Variants in GABRG3 observed in about 807,000 individuals in gnomAD.
GABRG3 encodes the protein gamma-aminobutyric acid type A receptor subunit gamma3.
In GABRG3, 25 loss-of-function variants were observed where a neutral mutation model predicts 48.8. The observed-to-expected ratio is 0.51, with a 90% CI of 0.37 to 0.72. The LOEUF (loss-of-function observed/expected upper bound fraction) is 0.72. Ranked by LOEUF, GABRG3 falls within the 30% of genes least tolerant of loss-of-function variation. The probability of loss-of-function intolerance (pLI) is 0.00; values close to 1 mark genes in which losing one functional copy is unlikely to be tolerated. For missense variants in GABRG3, 394 were observed against 577.9 expected (o/e 0.68, Z 3.26); for synonymous variants, 227 against 217.6 (o/e 1.04, Z -0.38).
In GABRG3 at chr15:27,102,935, C is replaced by T. The variant is rs188996969; in HGVS notation, c.270+76114C>T. On this transcript the variant is annotated intron_variant, in intron 3 of 9. Coordinates refer to ENST00000615808, the MANE Select transcript of GABRG3 (RefSeq NM_033223.5). ...TTCCAGGAAGAACAAATAAAACTGC[C>T]ATTGATAAAAATGATGTAGCTCTAT... Among the ~76,000 whole-genome samples, 8 of 152,216 alleles carry T rather than the reference C, an allele frequency of 5.3e-5. No individual in the cohort carries two copies. In the East Asian group the frequency reaches 1.5e-3, roughly 29 times the overall value.
At chr15:26,996,977 C>T (rs1464585437) in intron 2 of GABRG3, among the ~76,000 whole-genome samples, 1 of 152,122 alleles carries the variant, frequency 6.6e-6, no homozygotes, top group Non-Finnish European at 1.5e-5. Flanking sequence ...AATAGCACCA[C>T]ACATCTCTCT....
intron 3 of GABRG3, among the ~76,000 whole-genome samples, chr15:27,190,172 C>T (rs372136972): frequency 6.6e-6 from 1 of 152,032 alleles, no homozygotes; most frequent in Non-Finnish European, 1.5e-5. Flanking sequence ...ATCAAGGATA[C>T]TGGTCTAAAA....
In GABRG3 at chr15:27,108,408, A is replaced by G. The variant is rs1437431641; in HGVS notation, c.270+81587A>G. On this transcript the variant is annotated intron_variant, in intron 3 of 9. Transcript: ENST00000615808. ...TAATTCCATCATGGACTGAGAATAG[A>G]CTTTGTATGATTTCTGTTCTTGTAA... 4.6e-5 allele frequency among the ~76,000 whole-genome samples: 7 copies of G among 152,258 alleles called. 1 individual carries two copies. Among genetic ancestry groups the G allele is most frequent in the African/African-American group, 1.7e-4 (7 of 41,562 alleles).
chr15:27,013,562 A>G (rs901650384), intron 2 of GABRG3, among the ~76,000 whole-genome samples: 5 of 152,082 alleles, frequency 3.3e-5, no homozygotes, highest in Non-Finnish European at 5.9e-5. Flanking sequence ...ATATAGTAAG[A>G]GTGCTAACCT....
intron 3 of GABRG3, among the ~76,000 whole-genome samples, chr15:27,040,199 C>T (rs550735300): frequency 5.3e-5 from 8 of 152,248 alleles, no homozygotes; most frequent in Non-Finnish European, 1.0e-4. Context: ...CGGGGTGGCC[C>T]ATGACAGGTG....
rs1431637997 is a variant in GABRG3, at chr15:27,527,619, AGAC to A, written c.1053_1055del (p.Thr353del). On this transcript the variant is annotated inframe_deletion, in exon 8 of 10. Coordinates refer to ENST00000615808, the MANE Select transcript of GABRG3 (RefSeq NM_033223.5). Reference sequence around the variant, plus strand: ...TGTAGAAAACCAACCACCACGAAGAAGACAACATCGGTGAGCTGCAGTAGCAAA... The same window carrying A: ...TGTAGAAAACCAACCACCACGAAGAAAACATCGGTGAGCTGCAGTAGCAAA... 9.3e-6 allele frequency: 15 copies of A among 1,608,834 alleles called. No individual in the cohort carries two copies. Among genetic ancestry groups the A allele is most frequent in the African/African-American group, 4.0e-5 (3 of 74,858 alleles).
At chr15:27,139,000 A>G (rs1275094238) in intron 3 of GABRG3, among the ~76,000 whole-genome samples, 1 of 152,034 alleles carries the variant, frequency 6.6e-6, no homozygotes, top group African/African-American at 2.4e-5. Flanking sequence ...GGATGGGTGG[A>G]TAGGTGATAG....
chr15:27,366,027 A>C (rs1895186896), intron 5 of GABRG3: 1 of 152,206 alleles, frequency 6.6e-6, no homozygotes, highest in Non-Finnish European at 1.5e-5. Flanking sequence ...TTTCAGTAGC[A>C]TCAGATAAGA....
intron 5 of GABRG3, among the ~76,000 whole-genome samples, chr15:27,336,221 A>C (rs961680356): frequency 6.8e-6 from 1 of 147,244 alleles, no homozygotes; most frequent in Non-Finnish European, 1.5e-5. Context: ...AGAGAGAGAG[A>C]GAGAGAGAGA....
At chr15:27,445,943 C>G (rs1566844138) in intron 5 of GABRG3, among the ~76,000 whole-genome samples, 1 of 151,910 alleles carries the variant, frequency 6.6e-6, no homozygotes, top group Non-Finnish European at 1.5e-5. Flanking sequence ...TTTGTAGGAA[C>G]TAATTGGCTG....
intron 3 of GABRG3, among the ~76,000 whole-genome samples, chr15:27,209,662 G>T (rs1349998234): frequency 6.6e-6 from 1 of 152,202 alleles, no homozygotes; most frequent in Non-Finnish European, 1.5e-5. Flanking sequence ...ATACAGGGCA[G>T]CTGTCTCTGG....
At chr15:27,260,460 C>T (rs374503274) in intron 3 of GABRG3, among the ~76,000 whole-genome samples, 20 of 152,056 alleles carry the variant, frequency 1.3e-4, no homozygotes, top group African/African-American at 3.1e-4. Flanking sequence ...ACATGGTGCA[C>T]GGTAAAATAA....
intron 5 of GABRG3, among the ~76,000 whole-genome samples, chr15:27,425,448 CAAAAAAA>C (rs57986546): frequency 1.3e-5 from 1 of 77,880 alleles, no homozygotes; most frequent in Non-Finnish European, 3.1e-5. Flanking sequence ...ACTAAAAATA[CAAAAAAA>C]AAAAAAAAAA....
chr15:27,398,050 C>T (rs1051423538), intron 5 of GABRG3, among the ~76,000 whole-genome samples: 15 of 152,144 alleles, frequency 9.9e-5, no homozygotes, highest in South Asian at 4.1e-4. Context: ...GTGATCCTCC[C>T]GCCTCGGCCT....
intron 3 of GABRG3, among the ~76,000 whole-genome samples, chr15:27,171,688 T>C (rs1463485959): frequency 6.6e-6 from 1 of 152,096 alleles, no homozygotes; most frequent in African/African-American, 2.4e-5. Flanking sequence ...AGTATGTGTA[T>C]ATATTCTTAG....
At chr15:27,052,233 T>C (rs894909508) in intron 3 of GABRG3, among the ~76,000 whole-genome samples, 1 of 152,196 alleles carries the variant, frequency 6.6e-6, no homozygotes, top group Admixed American at 6.5e-5. Flanking sequence ...GGGACTGGTC[T>C]GTCTTTGTCT....
At chr15:27,143,888 A>G (rs1185000917) in intron 3 of GABRG3, among the ~76,000 whole-genome samples, 1 of 152,204 alleles carries the variant, frequency 6.6e-6, no homozygotes, top group Non-Finnish European at 1.5e-5. Flanking sequence ...ATGAAGATAA[A>G]TACACCTTCG....
At position 27,201,564 on chromosome 15, in the gene GABRG3, G is replaced by T. The variant is rs149574147; in HGVS notation, c.271-125245G>T. On this transcript the variant is annotated intron_variant, in intron 3 of 9. Coordinates refer to ENST00000615808, the MANE Select transcript of GABRG3 (RefSeq NM_033223.5). ...AGAAGCAGCAGAAATTTCCATTAAG[G>T]GTCTGTAACACTTACACCTTGAGAG... is the stretch of plus-strand genomic sequence containing the variant. 3.4e-3 allele frequency among the ~76,000 whole-genome samples: 520 copies of T among 150,746 alleles called. 1 individual carries two copies. The highest frequency in any genetic ancestry group is 4.0e-3 in the Non-Finnish European group (273 of 67,954).
intron 3 of GABRG3, among the ~76,000 whole-genome samples, chr15:27,130,258 C>A (rs894251726): frequency 2.6e-5 from 4 of 152,030 alleles, no homozygotes; most frequent in African/African-American, 9.7e-5. Context: ...CAACTTCATT[C>A]TTTTGCTTCT....
Sources: allele counts gnomAD v4.1 joint callset (sites outside exome capture counted in the v4.1 genomes callset), GRCh38; gene constraint gnomAD v4.1.1; transcripts MANE v1.5; gene names NCBI Gene and HGNC (gene_info 2026-07-23, HGNC 2026-07-21).